Variants in CDC42 observed in about 807,000 individuals in gnomAD.
CDC42 encodes cell division control protein 42 homolog.
CDC42 carries 1 observed loss-of-function variant against 20.8 expected under a neutral mutation model. That is an observed-to-expected ratio of 0.05 (90% CI 0.02 to 0.23). CDC42 has a LOEUF of 0.23. Among genes scored for constraint, CDC42 ranks in the 10% least tolerant of loss-of-function variants. The pLI is 1.00. For missense variants in CDC42, 49 were observed against 227.9 expected (o/e 0.21, Z 5.05); for synonymous variants, 72 against 84.8 (o/e 0.85, Z 0.83).
chr1:22,067,533 C>G (rs1046694445), intron 1 of CDC42, among the ~76,000 whole-genome samples: 3 of 152,096 alleles, frequency 2.0e-5, no homozygotes, highest in Admixed American at 2.0e-4. Flanking sequence ...TTAGTGGAGA[C>G]AGGGTTTCAC....
intron 1 of CDC42, among the ~76,000 whole-genome samples, chr1:22,062,310 C>T (rs571127777): frequency 6.6e-6 from 1 of 152,304 alleles, no homozygotes; most frequent in East Asian, 1.9e-4. Context: ...GTACTTCTAC[C>T]TCATCAGCTA....
chr1:22,072,540 A>C (rs1419733546), intron 1 of CDC42, among the ~76,000 whole-genome samples: 3 of 152,058 alleles, frequency 2.0e-5, no homozygotes, highest in Admixed American at 2.0e-4. Context: ...CAGACCTGGA[A>C]GCTCTCCAAA....
At chr1:22,087,108 G>C (rs1187575436) in intron 5 of CDC42, among the ~76,000 whole-genome samples, 1 of 152,076 alleles carries the variant, frequency 6.6e-6, no homozygotes, top group Non-Finnish European at 1.5e-5. Flanking sequence ...GTAGTGGTCA[G>C]GGTTGTGTTA....
In CDC42 at chr1:22,093,443, C is replaced by T. The variant is rs1289747438; in HGVS notation, c.*1926C>T. ...CTATCAGAATACAGGTTCTGTGCTG[C>T]GAATCTGAATATGGGATACATTTTC... On this transcript the variant is annotated 3_prime_UTR_variant, in exon 6 of 6. Transcript: ENST00000656825. Among the ~76,000 whole-genome samples, 1 of 152,132 alleles carries T rather than the reference C, an allele frequency of 6.6e-6. No homozygotes were observed. The highest frequency in any genetic ancestry group is 1.5e-5 in the Non-Finnish European group (1 of 68,034).
rs142535017 is a variant in CDC42, at chr1:22,053,854, T to G, written c.-51+1112T>G. On this transcript the variant is annotated intron_variant, in intron 1 of 5. Coordinates refer to ENST00000656825, the MANE Select transcript of CDC42 (RefSeq NM_001791.4). ...AAGGTTTAAAATCCCAGGATTAGTT[T>G]GTGTCAGGGAATAAAGTGTAAGACA... 5.5e-3 allele frequency among the ~76,000 whole-genome samples: 839 copies of G among 152,320 alleles called. 5 individuals carry two copies. The highest frequency in any genetic ancestry group is 8.3e-3 in the Non-Finnish European group (562 of 68,032).
At chr1:22,058,549 C>T (rs1645328490) in intron 1 of CDC42, among the ~76,000 whole-genome samples, 1 of 149,072 alleles carries the variant, frequency 6.7e-6, no homozygotes, top group Admixed American at 6.7e-5. Flanking sequence ...ATGGCATGAT[C>T]TCCACTCACT....
chr1:22,094,579 G>A lies in CDC42; in HGVS notation c.*3062G>A, dbSNP rs1645744535. ...CCCAAAGTGCTGGGATTACAGGCGTGAGCCACCGCGCCCGGCCAGAAATAG... is the reference window on the plus strand; with the variant it reads ...CCCAAAGTGCTGGGATTACAGGCGTAAGCCACCGCGCCCGGCCAGAAATAG... On this transcript the variant is annotated 3_prime_UTR_variant, in exon 6 of 6. Transcript: ENST00000656825. Among the ~76,000 whole-genome samples, 1 of 148,678 alleles carries A rather than the reference G, an allele frequency of 6.7e-6. No homozygotes were observed. The highest frequency in any genetic ancestry group is 1.5e-5 in the Non-Finnish European group (1 of 67,988).
At chr1:22,082,569 T>C (rs1279675735) in intron 3 of CDC42, among the ~76,000 whole-genome samples, 3 of 152,194 alleles carry the variant, frequency 2.0e-5, no homozygotes, top group Non-Finnish European at 2.9e-5. Flanking sequence ...CAGAAAGATA[T>C]CCTTTAGAGT....
chr1:22,088,125 A>G (rs143388370), intron 5 of CDC42, among the ~76,000 whole-genome samples: 71 of 152,348 alleles, frequency 4.7e-4, no homozygotes, highest in Non-Finnish European at 9.4e-4. Flanking sequence ...TGAGAGTTTT[A>G]AAAAATGCCT....
At chr1:22,055,954 A>G (rs1404016956) in intron 1 of CDC42, among the ~76,000 whole-genome samples, 1 of 147,028 alleles carries the variant, frequency 6.8e-6, no homozygotes, top group Non-Finnish European at 1.5e-5. Flanking sequence ...AGGGTTAAAT[A>G]TTGTGTTAAC....
At chr1:22,065,112 G>T (rs1645407899) in intron 1 of CDC42, among the ~76,000 whole-genome samples, 2 of 152,232 alleles carry the variant, frequency 1.3e-5, no homozygotes, top group South Asian at 2.1e-4. Flanking sequence ...AGGAAACGAG[G>T]CTTAAAAGAG....
chr1:22,086,976 C>G, intron 5 of CDC42, 110 bp downstream of exon 5: 1 of 862,288 alleles, frequency 1.2e-6, no homozygotes, highest in South Asian at 1.4e-5. Flanking sequence ...AGATGCCCAG[C>G]AAGAATATGA....
At chr1:22,081,526 C>T (rs1645607533) in intron 2 of CDC42, among the ~76,000 whole-genome samples, 196 bp from the exon 3 acceptor site, 1 of 152,174 alleles carries the variant, frequency 6.6e-6, no homozygotes, top group Admixed American at 6.5e-5. Context: ...AATCTCAGAA[C>T]ACATCCTTTG....
In CDC42 at chr1:22,058,876, G is replaced by A. The variant is rs555469646; in HGVS notation, c.-51+6134G>A. On this transcript the variant is annotated intron_variant, in intron 1 of 5. Coordinates refer to ENST00000656825, the MANE Select transcript of CDC42 (RefSeq NM_001791.4). ...ATGTCACCAGGCTGCAGTGCGTGGT[G>A]TGATTATAGCTCACTGTAACCTTGA... Among the ~76,000 whole-genome samples, 5 of 152,146 alleles carry A rather than the reference G, an allele frequency of 3.3e-5. No homozygotes were observed. In the South Asian group the frequency reaches 1.0e-3, roughly 32 times the overall value.
chr1:22,065,693 G>C (rs1160854648), intron 1 of CDC42, among the ~76,000 whole-genome samples: 1 of 150,896 alleles, frequency 6.6e-6, no homozygotes, highest in Non-Finnish European at 1.5e-5. Context: ...GAAGTAACTT[G>C]CCAGGATCGT....
At chr1:22,078,869 A>G (rs1645578242) in intron 2 of CDC42, 1 of 1,315,732 alleles carries the variant, frequency 7.6e-7, no homozygotes. Context: ...TATGCCCTAC[A>G]TCTTGGAATG....
intron 1 of CDC42, among the ~76,000 whole-genome samples, chr1:22,069,002 C>T (rs1340471072): frequency 2.0e-5 from 3 of 151,950 alleles, no homozygotes; most frequent in Non-Finnish European, 2.9e-5. Context: ...TCCAAGAGGG[C>T]GTGAACTTTG....
intron 1 of CDC42, among the ~76,000 whole-genome samples, chr1:22,060,285 C>T (rs371144510): frequency 2.0e-5 from 3 of 151,744 alleles, no homozygotes; most frequent in African/African-American, 4.8e-5. Flanking sequence ...CTGCAGTGAG[C>T]GGGGATGCAC....
At chr1:22,071,650 T>G (rs1368623375) in intron 1 of CDC42, among the ~76,000 whole-genome samples, 2 of 152,190 alleles carry the variant, frequency 1.3e-5, no homozygotes, top group Non-Finnish European at 2.9e-5. Context: ...TAGTTTTGAT[T>G]TTATTCTGTT....
Sources: gnomAD v4.1 joint callset for allele counts (sites outside exome capture counted in the v4.1 genomes callset) on GRCh38, gnomAD v4.1.1 for gene constraint, MANE v1.5 for transcripts, NCBI Gene and HGNC (gene_info 2026-07-23, HGNC 2026-07-21) for gene names.